The following PELI1 variants were observed in gnomAD, a reference collection of about 807,000 sequenced individuals.
PELI1 encodes E3 ubiquitin-protein ligase pellino homolog 1.
Under a neutral mutation model 41.3 loss-of-function variants are expected in PELI1, and 15 were observed. That is an observed-to-expected ratio of 0.36 (90% CI 0.24 to 0.56). PELI1 has a LOEUF of 0.56. Among genes scored for constraint, PELI1 ranks in the 20% least tolerant of loss-of-function variants. PELI1 has a pLI of 0.82. For synonymous variants in PELI1, 178 were observed against 180.1 expected (o/e 0.99, Z 0.09); for missense variants, 403 against 525.5 (o/e 0.77, Z 2.28).
chr2:64,124,558 A>T (rs959339141), intron 1 of PELI1, among the ~76,000 whole-genome samples: 6 of 152,262 alleles, frequency 3.9e-5, no homozygotes, highest in African/African-American at 7.2e-5. Context: ...AATTTTCACA[A>T]GCAAAACTGA....
intron 1 of PELI1, among the ~76,000 whole-genome samples, chr2:64,133,700 T>G (rs1248802272): frequency 6.6e-6 from 1 of 152,012 alleles, no homozygotes; most frequent in Non-Finnish European, 1.5e-5. Flanking sequence ...GATATAGTGG[T>G]TTTTATCCTG....
chr2:64,105,401 G>T (rs1049226644), intron 2 of PELI1, among the ~76,000 whole-genome samples: 1 of 152,074 alleles, frequency 6.6e-6, no homozygotes, highest in Non-Finnish European at 1.5e-5. Flanking sequence ...TACTTTTGTT[G>T]TTCAGATCTT....
At chr2:64,131,186 C>T (rs1200769745) in intron 1 of PELI1, among the ~76,000 whole-genome samples, 4 of 151,766 alleles carry the variant, frequency 2.6e-5, no homozygotes, top group African/African-American at 9.7e-5. Flanking sequence ...AATTTCATTA[C>T]TAAAGCTAAT....
chr2:64,143,628 A>AT (rs1681992543), intron 1 of PELI1: 2 of 152,244 alleles, frequency 1.3e-5, no homozygotes, highest in Non-Finnish European at 2.9e-5. Flanking sequence ...GACAACAATC[A>AT]TAACAATAAA....
intron 2 of PELI1, among the ~76,000 whole-genome samples, chr2:64,105,666 C>T (rs1166737985): frequency 6.6e-6 from 1 of 152,190 alleles, no homozygotes; most frequent in Admixed American, 6.5e-5. Context: ...GAATTATATT[C>T]TGAAGTGACA....
chr2:64,111,981 TA>T (rs543825620), intron 1 of PELI1, among the ~76,000 whole-genome samples: 312 of 152,252 alleles, frequency 2.0e-3, no homozygotes, highest in African/African-American at 7.1e-3. Flanking sequence ...TAATAACAAT[TA>T]AATTTAAATT....
chr2:64,140,810 A>AAAAAAAAAAAAAAG (rs1558490182), intron 1 of PELI1, among the ~76,000 whole-genome samples: 1 of 147,122 alleles, frequency 6.8e-6, no homozygotes, highest in Non-Finnish European at 1.5e-5. Flanking sequence ...CAAACAAACA[A>AAAAAAAAAAAAAAG]AAAAAAACCT....
chr2:64,110,887 C>A (rs2103695850), intron 1 of PELI1, among the ~76,000 whole-genome samples: 1 of 151,826 alleles, frequency 6.6e-6, no homozygotes, highest in Admixed American at 6.6e-5. Flanking sequence ...GATCGCACCA[C>A]TGCACTCCAG....
intron 1 of PELI1, among the ~76,000 whole-genome samples, chr2:64,132,845 T>C (rs1681598462): frequency 6.6e-6 from 1 of 152,136 alleles, no homozygotes; most frequent in Non-Finnish European, 1.5e-5. Flanking sequence ...CCCAGAAGCC[T>C]GCTAAAAATG....
intron 2 of PELI1, chr2:64,106,382 A>G (rs1038081066): frequency 6.6e-6 from 1 of 152,246 alleles, no homozygotes; most frequent in South Asian, 2.1e-4. Context: ...CTAATGATTA[A>G]CTGAGGAACC....
chr2:64,094,127 T>C lies in PELI1; in HGVS notation c.*575A>G, dbSNP rs1438960303. 1 of 152,650 alleles carries C rather than the reference T, an allele frequency of 6.6e-6. No individual in the cohort carries two copies. The highest frequency in any genetic ancestry group is 1.5e-5 in the Non-Finnish European group (1 of 68,054). 9.5% of individuals were successfully genotyped at this position (152,650 alleles called of 1,614,324 possible). ...ATTCTAATTTACCAAATTCCATATT[T>C]AGATTGGGGTGGGGAGAGAGGCTCT... On this transcript the variant is annotated 3_prime_UTR_variant, in exon 7 of 7. Transcript: ENST00000358912.
chr2:64,140,891 TTAGTC>T (rs757016585), intron 1 of PELI1, among the ~76,000 whole-genome samples: 2 of 149,346 alleles, frequency 1.3e-5, no homozygotes, highest in Non-Finnish European at 3.0e-5. Flanking sequence ...TTCCCACACA[TTAGTC>T]TAGGGAAATA....
Position 64,100,391 on chromosome 2 carries a change from G to A in PELI1, c.303+7C>T. 1 of 1,400,472 alleles carries A rather than the reference G, an allele frequency of 7.1e-7. No individual in the cohort carries two copies. The highest frequency in any genetic ancestry group is 1.2e-5 in the South Asian group (1 of 84,136). 86.8% of individuals were successfully genotyped at this position (1,400,472 alleles called of 1,614,324 possible). A position where few individuals can be genotyped will look rare whatever the true frequency, so the allele number is the denominator to read the frequency against. On this transcript the variant is annotated splice_region_variant and intron_variant, in intron 4 of 6. Transcript: ENST00000358912. The stretch of plus-strand genomic sequence containing the variant: ...CTTAAGAAAAAAAATTTAAGATGTT[G>A]TAATACCTGAAACATATCGGTGTTG...
chr2:64,123,482 T>C (rs908498359), intron 1 of PELI1, among the ~76,000 whole-genome samples: 1 of 152,156 alleles, frequency 6.6e-6, no homozygotes, highest in Non-Finnish European at 1.5e-5. Context: ...AAAATATAAA[T>C]GAAATTAAAA....
Position 64,108,164 on chromosome 2 carries a change from A to G in PELI1, c.71+76T>C, listed in dbSNP as rs1451612837. 6 of 793,342 alleles carry G rather than the reference A, an allele frequency of 7.6e-6. No individual in the cohort carries two copies. The East Asian group carries it at 1.3e-4, about 17-fold the overall frequency. The allele number at this position is 793,342 out of a possible 1,614,324, so 49.1% of individuals were successfully genotyped here. The stretch of plus-strand genomic sequence containing the variant: ...AGGTAAGATATAAATTCCAAAAAAA[A>G]AAGTACTTTTAGCCTAGATGCCAAA... On this transcript the variant is annotated intron_variant, in intron 2 of 6. Coordinates refer to ENST00000358912, the MANE Select transcript of PELI1 (RefSeq NM_020651.4).
intron 1 of PELI1, among the ~76,000 whole-genome samples, chr2:64,112,879 G>C (rs1338679840): frequency 6.6e-6 from 1 of 151,664 alleles, no homozygotes; most frequent in Non-Finnish European, 1.5e-5. Context: ...TCTTCCCAAA[G>C]GTTTATACTC....
At chr2:64,099,394 T>A (rs1680350796) in intron 4 of PELI1, among the ~76,000 whole-genome samples, 1 of 152,188 alleles carries the variant, frequency 6.6e-6, no homozygotes, top group African/African-American at 2.4e-5. Context: ...AAAATCATCC[T>A]AAAGCTTTGT....
At chr2:64,109,056 G>A (rs192072453) in intron 1 of PELI1, among the ~76,000 whole-genome samples, 5 of 152,296 alleles carry the variant, frequency 3.3e-5, no homozygotes, top group Admixed American at 3.3e-4. Flanking sequence ...CAATGTAAAA[G>A]TAGGCCAACT....
chr2:64,108,377 T>C lies in PELI1; in HGVS notation c.-67A>G. On this transcript the variant is annotated splice_region_variant and 5_prime_UTR_variant, in exon 2 of 7. Transcript: ENST00000358912. ...AGCCTTGGGACACCTTTTGCATTAT[T>C]TCCTAGAGGGGAAAAGTTTTCATTA... 4 of 905,662 alleles carry C rather than the reference T, an allele frequency of 4.4e-6. No individual in the cohort carries two copies. Among genetic ancestry groups the C allele is most frequent in the Non-Finnish European group, 7.3e-6 (4 of 550,312 alleles). The allele number at this position is 905,662 out of a possible 1,614,324, so 56.1% of individuals were successfully genotyped here. A position where few individuals can be genotyped will look rare whatever the true frequency, so the allele number is the denominator to read the frequency against.
Sources: gnomAD v4.1 joint callset for allele counts (sites outside exome capture counted in the v4.1 genomes callset) on GRCh38, gnomAD v4.1.1 for gene constraint, MANE v1.5 for transcripts, NCBI Gene and HGNC (gene_info 2026-07-23, HGNC 2026-07-21) for gene names.